KLHL18: variants seen among roughly 807,000 people sequenced by gnomAD.
KLHL18 encodes the protein kelch-like protein 18.
In KLHL18, 38 loss-of-function variants were observed where a neutral mutation model predicts 58.5. The ratio of observed to expected loss-of-function variants is 0.65; its 90% CI spans 0.50 to 0.85. KLHL18 has a LOEUF of 0.85. KLHL18 is among the 40% of genes least tolerant of loss of function. The pLI is 0.00. For missense variants in KLHL18, 624 were observed against 778.4 expected (o/e 0.80, Z 2.36); for synonymous variants, 303 against 301.9 (o/e 1.00, Z -0.04).
chr3:47,305,077 A>C (rs1468056827), intron 1 of KLHL18, among the ~76,000 whole-genome samples: 3 of 151,888 alleles, frequency 2.0e-5, no homozygotes, highest in Non-Finnish European at 4.4e-5. Context: ...AAATAGGGAT[A>C]GTTTATTTCT....
intron 1 of KLHL18, among the ~76,000 whole-genome samples, chr3:47,307,670 G>A (rs552954321): frequency 7.2e-5 from 11 of 152,116 alleles, no homozygotes; most frequent in South Asian, 2.1e-4. Context: ...GATTGTAGGC[G>A]TGAGCCACTG....
At chr3:47,302,548 G>A (rs1175301217) in intron 1 of KLHL18, among the ~76,000 whole-genome samples, 1 of 152,104 alleles carries the variant, frequency 6.6e-6, no homozygotes, top group African/African-American at 2.4e-5. Context: ...AAGTGGAAGT[G>A]GATCATCATA....
In KLHL18 at chr3:47,321,620, G is replaced by C. The variant is rs555623115; in HGVS notation, c.261-948G>C. ...CCGCCTCGGCCTCTTAAAGTGCTGG[G>C]ATTACAGGCGTGAGCCACTGCGCCC... On this transcript the variant is annotated intron_variant, in intron 2 of 9. Coordinates refer to ENST00000232766, the MANE Select transcript of KLHL18 (RefSeq NM_025010.5). Among the ~76,000 whole-genome samples the C allele has an allele frequency of 1.1e-4, 16 of 152,302 alleles. No homozygotes were observed. In the East Asian group the frequency reaches 1.9e-3, roughly 18 times the overall value.
Position 47,297,559 on chromosome 3 carries a change from C to T in KLHL18, c.129+14465C>T, listed in dbSNP as rs189757269. The T allele has an allele frequency of 6.1e-5, 28 of 456,690 alleles. No individual in the cohort carries two copies. The East Asian group carries it at 1.5e-3, about 25-fold the overall frequency. The allele number at this position is 456,690 out of a possible 1,614,324, so 28.3% of individuals were successfully genotyped here. ...CATCTTTTTCTTGAGCTTTTTACTT[C>T]AGCCAACTGAATTTTCAGATGAGAT... On this transcript the variant is annotated intron_variant, in intron 1 of 9. Coordinates refer to ENST00000232766, the MANE Select transcript of KLHL18 (RefSeq NM_025010.5).
At chr3:47,307,828 A>G (rs1703185583) in intron 1 of KLHL18, among the ~76,000 whole-genome samples, 1 of 152,202 alleles carries the variant, frequency 6.6e-6, no homozygotes, top group Admixed American at 6.5e-5. Flanking sequence ...ATTATCTGCA[A>G]TGCCATTTCT....
At chr3:47,324,510 A>G (rs1703669774) in intron 3 of KLHL18, among the ~76,000 whole-genome samples, 1 of 151,114 alleles carries the variant, frequency 6.6e-6, no homozygotes, top group African/African-American at 2.4e-5. Flanking sequence ...GCTATGTTGT[A>G]AAGTACTGTT....
At position 47,333,029 on chromosome 3, in the gene KLHL18, G is replaced by A. The variant is rs1021367009; in HGVS notation, c.601-128G>A. ...GAGAAATCAGGGATTTCAGAGACAA[G>A]TAGGAGAAAAGATTGATGGGCCCAA... On this transcript the variant is annotated intron_variant, in intron 4 of 9. Coordinates refer to ENST00000232766, the MANE Select transcript of KLHL18 (RefSeq NM_025010.5). 3.4e-5 allele frequency: 30 copies of A among 876,380 alleles called. No individual in the cohort carries two copies. In the East Asian group the frequency reaches 7.6e-4, roughly 22 times the overall value. The allele number at this position is 876,380 out of a possible 1,614,324, so 54.3% of individuals were successfully genotyped here.
In KLHL18 at chr3:47,344,215, G is replaced by A; in HGVS notation, c.*274G>A. On this transcript the variant is annotated 3_prime_UTR_variant, in exon 10 of 10. Transcript: ENST00000232766. Reference sequence around the variant, plus strand: ...TGTTTTCTGGTCCACATGAACACAGGCTCCATCCAGGCCCAGCTCCTACCC... The same window carrying A: ...TGTTTTCTGGTCCACATGAACACAGACTCCATCCAGGCCCAGCTCCTACCC... 1 of 484,766 alleles carries A rather than the reference G, an allele frequency of 2.1e-6. No homozygotes were observed. The highest frequency in any genetic ancestry group is 3.7e-6 in the Non-Finnish European group (1 of 273,820). The allele number at this position is 484,766 out of a possible 1,614,324, so 30.0% of individuals were successfully genotyped here.
chr3:47,343,144 C>A (rs1576190778), intron 9 of KLHL18, among the ~76,000 whole-genome samples: 1 of 152,292 alleles, frequency 6.6e-6, no homozygotes, highest in East Asian at 1.9e-4. Context: ...AATTTGCAAA[C>A]AGTTGTATTC....
intron 1 of KLHL18, among the ~76,000 whole-genome samples, chr3:47,291,046 T>TGCTG (rs1311782452): frequency 3.3e-5 from 5 of 152,186 alleles, no homozygotes; most frequent in Non-Finnish European, 7.3e-5. Context: ...TTCTGGAGCT[T>TGCTG]GCTGGCTGGC....
At chr3:47,292,098 C>G (rs1415848225) in intron 1 of KLHL18, among the ~76,000 whole-genome samples, 1 of 152,174 alleles carries the variant, frequency 6.6e-6, no homozygotes, top group East Asian at 1.9e-4. Flanking sequence ...AAGGTCAGAG[C>G]TTGGGCTTTT....
intron 1 of KLHL18, among the ~76,000 whole-genome samples, chr3:47,310,159 A>G (rs1381420170): frequency 6.6e-6 from 1 of 152,162 alleles, no homozygotes; most frequent in African/African-American, 2.4e-5. Flanking sequence ...CTCCTAACTC[A>G]GATTTTGCCA....
At position 47,329,078 on chromosome 3, in the gene KLHL18, G is replaced by A. The variant is rs376882456; in HGVS notation, c.402-873G>A. Among the ~76,000 whole-genome samples, 48 of 151,836 alleles carry A rather than the reference G, an allele frequency of 3.2e-4. No homozygotes were observed. The East Asian group carries it at 4.7e-3, about 15-fold the overall frequency. On this transcript the variant is annotated intron_variant, in intron 3 of 9. Transcript: ENST00000232766. ...CAGGAAGTCAAGGGTGATGTGAGCC[G>A]TGTTCACGCTACTGCACTCCAGCCT...
intron 3 of KLHL18, among the ~76,000 whole-genome samples, chr3:47,324,160 G>GGT (rs1703653462): frequency 6.6e-6 from 1 of 151,914 alleles, no homozygotes; most frequent in Admixed American, 6.6e-5. Flanking sequence ...CAGGCCAGAG[G>GGT]GTGCATATGG....
Position 47,330,155 on chromosome 3 carries a change from T to C in KLHL18, c.600+6T>C. 6.2e-7 allele frequency: 1 copy of C among 1,612,920 alleles called. No individual in the cohort carries two copies. Among genetic ancestry groups the C allele is most frequent in the Non-Finnish European group, 8.5e-7 (1 of 1,178,916 alleles). On this transcript the variant is annotated splice_donor_region_variant and intron_variant, in intron 4 of 9. Transcript: ENST00000232766. Reference sequence around the variant, plus strand: ...ATGTCAAATCTGAGGAGCAGGTATGTGAGCCCAGTAGCAGTCTGTGCAGGT... The same window carrying C: ...ATGTCAAATCTGAGGAGCAGGTATGCGAGCCCAGTAGCAGTCTGTGCAGGT...
At chr3:47,302,930 C>T (rs1031420802) in intron 1 of KLHL18, among the ~76,000 whole-genome samples, 30 of 152,120 alleles carry the variant, frequency 2.0e-4, no homozygotes, top group African/African-American at 7.0e-4. Context: ...CCTTGTTGTC[C>T]AGCACTGGTT....
At chr3:47,340,222 G>C (rs993837517) in intron 7 of KLHL18, among the ~76,000 whole-genome samples, 3 of 152,186 alleles carry the variant, frequency 2.0e-5, no homozygotes, top group Non-Finnish European at 4.4e-5. Context: ...CTCAGGGAGC[G>C]TGGGGGTGGG....
chr3:47,324,293 TCTTTC>T, intron 3 of KLHL18, among the ~76,000 whole-genome samples: 1 of 133,652 alleles, frequency 7.5e-6, no homozygotes, highest in African/African-American at 2.8e-5. Context: ...TCTTTTTCTT[TCTTTC>T]TTTTTTTTTT....
chr3:47,333,134 C>T (rs760512521), intron 4 of KLHL18, 23 bp from the exon 5 acceptor site: 3 of 1,604,962 alleles, frequency 1.9e-6, no homozygotes, highest in Admixed American at 1.7e-5. Flanking sequence ...GATTTGCTGC[C>T]AGAACATCCA....
Sources: allele counts gnomAD v4.1 joint callset (sites outside exome capture counted in the v4.1 genomes callset), GRCh38; gene constraint gnomAD v4.1.1; transcripts MANE v1.5; gene names NCBI Gene and HGNC (gene_info 2026-07-23, HGNC 2026-07-21).